Variants in LRP1B observed in about 807,000 individuals in gnomAD.
LRP1B encodes LDL receptor related protein 1B.
A neutral mutation model predicts 556.6 loss-of-function variants in LRP1B; 217 were observed. The observed-to-expected ratio is 0.39, with a 90% CI of 0.35 to 0.44. The LOEUF (loss-of-function observed/expected upper bound fraction) is 0.44, where lower values mean the gene tolerates loss of function less well. LRP1B is among the 20% of genes least tolerant of loss of function. LRP1B has a pLI of 1.00. For missense variants in LRP1B, 5,053 were observed against 5,620.8 expected (o/e 0.90, Z 3.23); for synonymous variants, 2,047 against 1,865.8 (o/e 1.10, Z -2.50).
chr2:141,868,138 C>T (rs967477459), intron 1 of LRP1B, among the ~76,000 whole-genome samples: 1 of 152,050 alleles, frequency 6.6e-6, no homozygotes. Flanking sequence ...TTATATATCC[C>T]TTTTTGTTCT....
chr2:141,002,391 A>G lies in LRP1B; in HGVS notation c.2503+2944T>C, dbSNP rs567884127. ...GTTTACATAAAAAAGTACAGGAGGC[A>G]TATTTGGAGCTCAGCAATATATACA... On this transcript the variant is annotated intron_variant, in intron 15 of 90. Transcript: ENST00000389484. 5.7e-4 allele frequency among the ~76,000 whole-genome samples: 87 copies of G among 152,174 alleles called. 3 individuals carry two copies. In the South Asian group the frequency reaches 0.017, roughly 30 times the overall value.
At chr2:140,909,434 C>T (rs1205440387) in intron 21 of LRP1B, among the ~76,000 whole-genome samples, 1 of 151,574 alleles carries the variant, frequency 6.6e-6, no homozygotes, top group African/African-American at 2.4e-5. Context: ...ATCAATAATT[C>T]TTCACACTAT....
intron 83 of LRP1B, among the ~76,000 whole-genome samples, chr2:140,305,240 C>G (rs1437169865): frequency 6.6e-6 from 1 of 152,100 alleles, no homozygotes; most frequent in East Asian, 1.9e-4. Context: ...TATAAATTAC[C>G]TTGGGCAGTA....
chr2:141,140,027 T>G (rs1344070540), intron 7 of LRP1B, among the ~76,000 whole-genome samples: 1 of 152,004 alleles, frequency 6.6e-6, no homozygotes, highest in African/African-American at 2.4e-5. Context: ...AGAGATTAAT[T>G]ATTGATAAAT....
rs745984257 is a variant in LRP1B at position 141,286,518 on chromosome 2, T to C, written c.344-31877A>G. 2.8e-3 allele frequency among the ~76,000 whole-genome samples: 427 copies of C among 152,326 alleles called. 1 individual carries two copies. The highest frequency in any genetic ancestry group is 3.9e-3 in the Non-Finnish European group (262 of 68,014). On this transcript the variant is annotated intron_variant, in intron 3 of 90. Transcript: ENST00000389484. ...TATTTTCTTCCTCCCTTTTTTCTGA[T>C]AGAGTTTGTGTAAGATTTTAATGTC...
chr2:140,575,646 G>A (rs1681491221), intron 43 of LRP1B, among the ~76,000 whole-genome samples: 1 of 152,086 alleles, frequency 6.6e-6, no homozygotes, highest in Non-Finnish European at 1.5e-5. Context: ...GAATCAGGCT[G>A]GGCGCTGTGG....
intron 43 of LRP1B, among the ~76,000 whole-genome samples, chr2:140,549,861 GT>G (rs1241483223): frequency 3.4e-5 from 5 of 148,258 alleles, no homozygotes; most frequent in East Asian, 4.0e-4. Flanking sequence ...AGTTGTTGTT[GT>G]TTTTTTTTTC....
chr2:141,597,724 C>G (rs1559166032), intron 2 of LRP1B, among the ~76,000 whole-genome samples: 1 of 151,974 alleles, frequency 6.6e-6, no homozygotes, highest in African/African-American at 2.4e-5. Flanking sequence ...AATCTCACAG[C>G]CTCTTATTTT....
intron 2 of LRP1B, among the ~76,000 whole-genome samples, chr2:141,719,521 T>C (rs1692739622): frequency 6.6e-6 from 1 of 152,114 alleles, no homozygotes; most frequent in African/African-American, 2.4e-5. Context: ...ACTATAACAA[T>C]ATTTGTCAAG....
intron 2 of LRP1B, among the ~76,000 whole-genome samples, chr2:141,734,564 A>C (rs1693395311): frequency 6.6e-6 from 1 of 152,146 alleles, no homozygotes; most frequent in Non-Finnish European, 1.5e-5. Context: ...CTAGCCTGGC[A>C]ATTATTTTTA....
At chr2:142,120,420 A>G (rs1707420744) in intron 1 of LRP1B, among the ~76,000 whole-genome samples, 1 of 152,046 alleles carries the variant, frequency 6.6e-6, no homozygotes, top group South Asian at 2.1e-4. Context: ...CCTTTACTAC[A>G]GTTTTCTTGG....
chr2:141,319,335 C>G (rs1687152559), intron 3 of LRP1B, among the ~76,000 whole-genome samples: 1 of 97,432 alleles, frequency 1.0e-5, no homozygotes, highest in Non-Finnish European at 1.8e-5. Context: ...CCTACTCTTA[C>G]TTGAAATGTT....
intron 41 of LRP1B, among the ~76,000 whole-genome samples, chr2:140,671,087 A>G (rs1040633148): frequency 1.3e-5 from 2 of 152,242 alleles, no homozygotes; most frequent in Admixed American, 6.5e-5. Context: ...ATAACAAATT[A>G]CCACTGCTTT....
chr2:140,291,952 C>A (rs1683407172), intron 84 of LRP1B, among the ~76,000 whole-genome samples: 2 of 152,130 alleles, frequency 1.3e-5, no homozygotes, highest in Admixed American at 1.3e-4. Context: ...CCTATTTCTC[C>A]ACATCCTCTC....
intron 1 of LRP1B, among the ~76,000 whole-genome samples, chr2:141,965,644 C>A (rs1701537658): frequency 7.8e-6 from 1 of 128,460 alleles, no homozygotes. Context: ...ATACCTAATG[C>A]TAGATGACGA....
intron 32 of LRP1B, among the ~76,000 whole-genome samples, chr2:140,786,409 G>C (rs1689901932): frequency 6.6e-6 from 1 of 152,170 alleles, no homozygotes; most frequent in South Asian, 2.1e-4. Context: ...TTTTTACACT[G>C]TACCTACTGC....
intron 1 of LRP1B, among the ~76,000 whole-genome samples, chr2:142,095,614 G>A (rs1706332124): frequency 6.6e-6 from 1 of 151,506 alleles, no homozygotes; most frequent in African/African-American, 2.4e-5. Flanking sequence ...TACTACCTCT[G>A]GCCTTAAACT....
chr2:141,242,863 T>C (rs997905253), intron 5 of LRP1B, among the ~76,000 whole-genome samples: 1 of 152,088 alleles, frequency 6.6e-6, no homozygotes, highest in Non-Finnish European at 1.5e-5. Flanking sequence ...AGGAGTAAAA[T>C]TGCCAACAAT....
At chr2:141,533,062 T>C (rs1254919622) in intron 2 of LRP1B, among the ~76,000 whole-genome samples, 2 of 152,158 alleles carry the variant, frequency 1.3e-5, no homozygotes, top group South Asian at 2.1e-4. Flanking sequence ...TTCACCTCAA[T>C]GCCTGAACCA....
Sources: allele counts gnomAD v4.1 joint callset (sites outside exome capture counted in the v4.1 genomes callset), GRCh38; gene constraint gnomAD v4.1.1; transcripts MANE v1.5; gene names NCBI Gene and HGNC (gene_info 2026-07-23, HGNC 2026-07-21).